The following MACROD2 variants were observed in gnomAD, a reference collection of about 807,000 sequenced individuals.
The protein encoded by MACROD2 is mono-ADP ribosylhydrolase 2, also known as ADP-ribose glycohydrolase MACROD2.
Under a neutral mutation model 70.4 loss-of-function variants are expected in MACROD2, and 36 were observed. That is an observed-to-expected ratio of 0.51 (90% CI 0.39 to 0.68). The LOEUF is 0.68. MACROD2 is among the 30% of genes least tolerant of loss of function. MACROD2 has a pLI of 0.00. For synonymous variants in MACROD2, 172 were observed against 178.8 expected (o/e 0.96, Z 0.30); for missense variants, 496 against 538.4 (o/e 0.92, Z 0.78).
chr20:15,785,113 C>T (rs1221221237), intron 8 of MACROD2, among the ~76,000 whole-genome samples: 2 of 147,784 alleles, frequency 1.4e-5, no homozygotes, highest in Non-Finnish European at 3.0e-5. Flanking sequence ...GTTGGCGCCG[C>T]TGCACTCCAG....
At chr20:14,120,881 G>T (rs2054579311) in intron 3 of MACROD2, among the ~76,000 whole-genome samples, 1 of 150,806 alleles carries the variant, frequency 6.6e-6, no homozygotes, top group African/African-American at 2.4e-5. Context: ...CACCGAGAGG[G>T]GAACAACACA....
chr20:14,602,848 T>C (rs1359714366), intron 4 of MACROD2, among the ~76,000 whole-genome samples: 2 of 152,194 alleles, frequency 1.3e-5, no homozygotes, highest in African/African-American at 4.8e-5. Flanking sequence ...CCTGTCAAAA[T>C]AGCCAAGGCC....
intron 15 of MACROD2, among the ~76,000 whole-genome samples, chr20:16,014,588 A>G (rs1165776372): frequency 2.6e-5 from 4 of 152,178 alleles, no homozygotes; most frequent in Admixed American, 2.6e-4. Flanking sequence ...GACTCTGATC[A>G]CCATCTGGGT....
rs79254836 is a variant in MACROD2, at chr20:14,355,305, A to G, written c.272-138174A>G. ...TTATAAAATAATGTCTTAAATGATAACTAATATAAGACAGAGTGAGTTATG... is the reference window on the plus strand; with the variant it reads ...TTATAAAATAATGTCTTAAATGATAGCTAATATAAGACAGAGTGAGTTATG... On this transcript the variant is annotated intron_variant, in intron 3 of 17. Coordinates refer to ENST00000684519, the MANE Select transcript of MACROD2 (RefSeq NM_001351661.2). Among the ~76,000 whole-genome samples, 13 of 152,332 alleles carry G rather than the reference A, an allele frequency of 8.5e-5. No individual in the cohort carries two copies. In the East Asian group the frequency reaches 2.5e-3, roughly 29 times the overall value.
intron 5 of MACROD2, among the ~76,000 whole-genome samples, chr20:15,046,604 C>T (rs2075396761): frequency 6.6e-6 from 1 of 152,168 alleles, no homozygotes; most frequent in African/African-American, 2.4e-5. Flanking sequence ...GTTTTAACCC[C>T]ACTTCTTACT....
chr20:14,673,417 C>T (rs561651149), intron 4 of MACROD2, among the ~76,000 whole-genome samples: 37 of 152,218 alleles, frequency 2.4e-4, no homozygotes, highest in South Asian at 4.2e-4. Context: ...GCAGAGATTA[C>T]GAAATGCAGA....
At chr20:14,766,603 G>A (rs895596123) in intron 5 of MACROD2, among the ~76,000 whole-genome samples, 2 of 152,112 alleles carry the variant, frequency 1.3e-5, no homozygotes, top group Non-Finnish European at 2.9e-5. Flanking sequence ...TATTGCTGAG[G>A]CATATCTCCA....
intron 5 of MACROD2, among the ~76,000 whole-genome samples, chr20:14,816,118 C>T (rs1165508056): frequency 6.6e-6 from 1 of 151,966 alleles, no homozygotes; most frequent in African/African-American, 2.4e-5. Context: ...AATACGCCCT[C>T]AGTTTACTAT....
chr20:15,823,873 C>T (rs1292557856), intron 8 of MACROD2, among the ~76,000 whole-genome samples: 4 of 152,178 alleles, frequency 2.6e-5, no homozygotes, highest in African/African-American at 7.2e-5. Flanking sequence ...TGAAATTACA[C>T]TGGCCATGGA....
At chr20:14,608,773 G>T (rs893741826) in intron 4 of MACROD2, among the ~76,000 whole-genome samples, 1 of 152,146 alleles carries the variant, frequency 6.6e-6, no homozygotes, top group African/African-American at 2.4e-5. Flanking sequence ...AGGAAAAATT[G>T]AATGGGTAAT....
At chr20:15,088,418 T>C (rs374758609) in intron 5 of MACROD2, among the ~76,000 whole-genome samples, 1 of 17,970 alleles carries the variant, frequency 5.6e-5, no homozygotes, top group Admixed American at 6.8e-4. Context: ...TATATATATA[T>C]ATATATATAT....
At chr20:14,952,369 T>C (rs748422925) in intron 5 of MACROD2, among the ~76,000 whole-genome samples, 1 of 152,182 alleles carries the variant, frequency 6.6e-6, no homozygotes, top group Non-Finnish European at 1.5e-5. Flanking sequence ...ATTAAAATTG[T>C]GTTCTGATGT....
At chr20:15,968,146 G>A (rs568010617) in intron 13 of MACROD2, among the ~76,000 whole-genome samples, 1 of 152,238 alleles carries the variant, frequency 6.6e-6, no homozygotes, top group African/African-American at 2.4e-5. Context: ...ACTCAGAACA[G>A]ACATCTGCAT....
chr20:15,045,179 T>G (rs2075383662), intron 5 of MACROD2, among the ~76,000 whole-genome samples: 1 of 152,262 alleles, frequency 6.6e-6, no homozygotes, highest in South Asian at 2.1e-4. Context: ...TGAGGAAGAA[T>G]TGTCAGTAAC....
chr20:14,151,675 G>A (rs2055023140), intron 3 of MACROD2, among the ~76,000 whole-genome samples: 1 of 152,006 alleles, frequency 6.6e-6, no homozygotes, highest in African/African-American at 2.4e-5. Flanking sequence ...ACAAAAACAT[G>A]GTCTAGTTAT....
At chr20:14,427,047 T>C (rs2122915425) in intron 3 of MACROD2, among the ~76,000 whole-genome samples, 1 of 152,262 alleles carries the variant, frequency 6.6e-6, no homozygotes, top group East Asian at 1.9e-4. Context: ...CCTTAGTCTT[T>C]TAGAATTTAG....
At chr20:14,013,918 C>T (rs1219764118) in intron 2 of MACROD2, among the ~76,000 whole-genome samples, 1 of 151,942 alleles carries the variant, frequency 6.6e-6, no homozygotes, top group Non-Finnish European at 1.5e-5. Flanking sequence ...AGGTGATCCA[C>T]CTGCCTCAGG....
At chr20:14,217,924 T>TA (rs1320529349) in intron 3 of MACROD2, among the ~76,000 whole-genome samples, 15 of 152,134 alleles carry the variant, frequency 9.9e-5, no homozygotes, top group Non-Finnish European at 1.9e-4. Context: ...TCTTGCCTTT[T>TA]ATGGCCTATC....
chr20:15,797,723 G>C (rs1016639510), intron 8 of MACROD2, among the ~76,000 whole-genome samples: 28 of 152,238 alleles, frequency 1.8e-4, no homozygotes, highest in African/African-American at 6.7e-4. Flanking sequence ...AAAATAATCA[G>C]GGTTCTATTA....
Sources: gnomAD v4.1 joint callset for allele counts (sites outside exome capture counted in the v4.1 genomes callset) on GRCh38, gnomAD v4.1.1 for gene constraint, MANE v1.5 for transcripts, NCBI Gene and HGNC (gene_info 2026-07-23, HGNC 2026-07-21) for gene names.